Variants in PRR14L observed in about 807,000 individuals in gnomAD.
PRR14L encodes the protein protein PRR14L.
In PRR14L, 80 loss-of-function variants were observed where a neutral mutation model predicts 155.0. The observed-to-expected ratio is 0.52, with a 90% CI of 0.43 to 0.62. The LOEUF is 0.62. PRR14L is among the 20% of genes least tolerant of loss of function. The probability of loss-of-function intolerance (pLI) is 0.00; values close to 1 mark genes in which losing one functional copy is unlikely to be tolerated. For missense variants in PRR14L, 2,469 were observed against 2,548.0 expected (o/e 0.97, Z 0.67); for synonymous variants, 883 against 916.0 (o/e 0.96, Z 0.65).
chr22:31,704,532 A>G (rs2074579414), intron 5 of PRR14L, 123 bp downstream of exon 5: 1 of 579,458 alleles, frequency 1.7e-6, no homozygotes, highest in African/African-American at 1.9e-5. Context: ...GACATAGATC[A>G]GGTTTACAAG....
intron 7 of PRR14L, among the ~76,000 whole-genome samples, chr22:31,697,399 C>T (rs999782954): frequency 6.6e-6 from 1 of 151,720 alleles, no homozygotes; most frequent in African/African-American, 2.4e-5. Flanking sequence ...GACTTTGCCT[C>T]GTTCACCTTG....
At chr22:31,709,716 T>C (rs1384490904) in intron 4 of PRR14L, among the ~76,000 whole-genome samples, 2 of 151,254 alleles carry the variant, frequency 1.3e-5, no homozygotes, top group African/African-American at 4.9e-5. Context: ...AATTTTTGTA[T>C]TTTTAGTAGG....
chr22:31,738,772 A>C lies in PRR14L; in HGVS notation c.89T>G (p.Val30Gly), dbSNP rs745766299. 4 of 1,551,912 alleles carry C rather than the reference A, an allele frequency of 2.6e-6. No homozygotes were observed. The South Asian group carries it at 4.8e-5, about 18-fold the overall frequency. Residue 30 changes from valine to glycine, a missense_variant, in exon 2 of 9, where the codon GTA becomes GGA. By Grantham distance (109) the Val-to-Gly change is moderately radical. Coordinates refer to ENST00000327423, the MANE Select transcript of PRR14L (RefSeq NM_173566.3). ...AGCATGAAGCTCTCTGGAGACACTT[A>C]CTGGGAGTTCAGAGTATAATTCCTG... ...VVQELYSELP[V>G]SVSRELHADP...
intron 4 of PRR14L, among the ~76,000 whole-genome samples, chr22:31,707,404 G>A (rs1238890025): frequency 3.9e-5 from 6 of 151,964 alleles, no homozygotes; most frequent in Non-Finnish European, 5.9e-5. Flanking sequence ...TTTGGGAGAC[G>A]GAGACTCGCT....
Position 31,685,394 on chromosome 22 carries a change from C to T in PRR14L, c.*133G>A. 7 of 704,154 alleles carry T rather than the reference C, an allele frequency of 9.9e-6. No homozygotes were observed. The highest frequency in any genetic ancestry group is 3.0e-5 in the Admixed American group (1 of 33,648). 43.6% of individuals were successfully genotyped at this position (704,154 alleles called of 1,614,324 possible). Reference sequence around the variant, plus strand: ...AATAGGTAAAAATTCATGGACTGTGCATTTTTGAGTGGTTTGGCGGTAGGG... The same window carrying T: ...AATAGGTAAAAATTCATGGACTGTGTATTTTTGAGTGGTTTGGCGGTAGGG... On this transcript the variant is annotated 3_prime_UTR_variant, in exon 9 of 9. Transcript: ENST00000327423.
rs1205803798 is a variant in PRR14L, at chr22:31,685,692, T to C, written c.6291A>G (p.Arg2097=). ...TGACTTTGCCTCGAGCTCTCCTCTT[T>C]CGCGGGACTGTAAAATCCTGAAATT... The part of the protein sequence containing the change: ...VLEFQDFTVP[R]KRRARGKVKV... The change falls in exon 9 of 9, where the codon CGA becomes CGG. Residue 2097 remains arginine, a synonymous_variant. Transcript: ENST00000327423. The C allele has an allele frequency of 3.2e-6, 5 of 1,551,736 alleles. No homozygotes were observed. In the African/African-American group the frequency reaches 5.5e-5, roughly 17 times the overall value.
chr22:31,702,707 G>A (rs1382630210), intron 6 of PRR14L, among the ~76,000 whole-genome samples: 1 of 152,052 alleles, frequency 6.6e-6, no homozygotes, highest in Non-Finnish European at 1.5e-5. Flanking sequence ...GTAGAGATGG[G>A]GTTTCACCAT....
At chr22:31,727,981 A>G (rs1208398953) in intron 2 of PRR14L, among the ~76,000 whole-genome samples, 3 of 142,296 alleles carry the variant, frequency 2.1e-5, no homozygotes, top group Non-Finnish European at 4.6e-5. Context: ...ACTGTCTCAG[A>G]AAAAAAAAAA....
At chr22:31,718,475 T>G (rs916748713) in intron 3 of PRR14L, among the ~76,000 whole-genome samples, 3 of 149,616 alleles carry the variant, frequency 2.0e-5, no homozygotes, top group Non-Finnish European at 4.4e-5. Context: ...AGGATGGTCT[T>G]GATCTCCTGA....
chr22:31,710,776 G>A (rs892761739), intron 4 of PRR14L, among the ~76,000 whole-genome samples: 1 of 152,088 alleles, frequency 6.6e-6, no homozygotes, highest in Non-Finnish European at 1.5e-5. Flanking sequence ...TTCTTGAGAT[G>A]AGTAGTTTAA....
At chr22:31,701,915 C>T (rs944320337) in intron 6 of PRR14L, among the ~76,000 whole-genome samples, 153 bp from the exon 7 acceptor site, 7 of 152,074 alleles carry the variant, frequency 4.6e-5, no homozygotes, top group Admixed American at 6.6e-5. Context: ...TCAAATGATC[C>T]TCCTGCCTTG....
chr22:31,734,200 T>C (rs1205633078), intron 2 of PRR14L, among the ~76,000 whole-genome samples: 2 of 152,082 alleles, frequency 1.3e-5, no homozygotes, highest in African/African-American at 4.8e-5. Context: ...CTCAATCTCT[T>C]GACCTCATCA....
intron 4 of PRR14L, among the ~76,000 whole-genome samples, chr22:31,710,460 T>TG (rs1491230232): frequency 7.5e-6 from 1 of 133,268 alleles, no homozygotes; most frequent in Non-Finnish European, 1.7e-5. Context: ...TTAGGGATTC[T>TG]TTTTTTTTTT....
At chr22:31,686,604 ATT>A (rs958101632) in intron 8 of PRR14L, among the ~76,000 whole-genome samples, 1 of 148,914 alleles carries the variant, frequency 6.7e-6, no homozygotes, top group South Asian at 2.1e-4. Context: ...TTTAAAAAGA[ATT>A]TTTTTTTTGT....
At chr22:31,740,018 GACCTGACCAAAGCAGA>G (rs1325492535) in intron 1 of PRR14L, among the ~76,000 whole-genome samples, 1 of 151,908 alleles carries the variant, frequency 6.6e-6, no homozygotes, top group East Asian at 1.9e-4. Context: ...AATCTGCTTT[GACCTGACCAAAGCAGA>G]AATGGGTCAG....
intron 8 of PRR14L, among the ~76,000 whole-genome samples, chr22:31,687,825 C>T (rs1321311627): frequency 6.6e-6 from 1 of 150,684 alleles, no homozygotes; most frequent in Non-Finnish European, 1.5e-5. Flanking sequence ...AGGCGGATCA[C>T]GAGGTCAGGA....
At chr22:31,689,188 A>G (rs2074498506) in intron 7 of PRR14L, among the ~76,000 whole-genome samples, 1 of 152,134 alleles carries the variant, frequency 6.6e-6, no homozygotes, top group Non-Finnish European at 1.5e-5. Context: ...AATCTCTTCA[A>G]ACTGGTTCTT....
chr22:31,713,894 G>C lies in PRR14L; in HGVS notation c.3945C>G (p.His1315Gln). 6.4e-7 allele frequency: 1 copy of C among 1,551,952 alleles called. No homozygotes were observed. Among genetic ancestry groups the C allele is most frequent in the Non-Finnish European group, 8.7e-7 (1 of 1,147,042 alleles). ...GCAAATGTCTGTCAGAGGAATTCTCGTGAGGGTGACAAGCTTTGCAAGCAT... is the reference window on the plus strand; with the variant it reads ...GCAAATGTCTGTCAGAGGAATTCTCCTGAGGGTGACAAGCTTTGCAAGCAT... ...EKNACKACHP[H>Q]ENSSDRHLPL... The change falls in exon 4 of 9, where the codon CAC becomes CAG. Residue 1315 changes from histidine (H) to glutamine (Q), a missense_variant. Around this residue, in one of 2 missense-constraint regions of PRR14L, gnomAD observed 2,363 missense variants for 2,371.6 expected, o/e 1.00. Coordinates refer to ENST00000327423, the MANE Select transcript of PRR14L (RefSeq NM_173566.3).
intron 8 of PRR14L, 62 bp from the exon 9 acceptor site, chr22:31,685,865 G>A: frequency 8.9e-6 from 13 of 1,465,724 alleles, no homozygotes; most frequent in Non-Finnish European, 1.2e-5. Context: ...CCTGTCAACA[G>A]GGTCAGGATG....
Sources: gnomAD v4.1 joint callset for allele counts (sites outside exome capture counted in the v4.1 genomes callset) on GRCh38, gnomAD v4.1.1 for gene constraint, gnomAD v4.1.1 regional missense constraint, MANE v1.5 for transcripts, NCBI Gene and HGNC (gene_info 2026-07-23, HGNC 2026-07-21) for gene names.